Variants in B3GALT1 observed in about 807,000 individuals in gnomAD.
The protein encoded by B3GALT1 is beta-1,3-galactosyltransferase 1.
A neutral mutation model predicts 23.2 loss-of-function variants in B3GALT1; 10 were observed. The observed-to-expected ratio is 0.43, with a 90% CI of 0.27 to 0.73. B3GALT1 has a LOEUF of 0.73. B3GALT1 is among the 30% of genes least tolerant of loss of function. The probability of loss-of-function intolerance (pLI) is 0.21; values close to 1 mark genes in which losing one functional copy is unlikely to be tolerated. For missense variants in B3GALT1, 299 were observed against 405.4 expected, an observed-to-expected ratio of 0.74 and a Z score of 2.25; for synonymous variants, 156 against 141.5, an observed-to-expected ratio of 1.10 and a Z score of -0.73.
At chr2:167,353,648 T>C (rs1323747433) in intron 1 of B3GALT1, among the ~76,000 whole-genome samples, 1 of 152,194 alleles carries the variant, frequency 6.6e-6, no homozygotes, top group Non-Finnish European at 1.5e-5. Context: ...GTTTGTATCA[T>C]TGCAGAATCC....
intron 2 of B3GALT1, among the ~76,000 whole-genome samples, chr2:167,556,357 G>A (rs1683851767): frequency 6.6e-6 from 1 of 152,086 alleles, no homozygotes; most frequent in Non-Finnish European, 1.5e-5. Flanking sequence ...ATACTTTAAT[G>A]TAGAAAATCT....
intron 3 of B3GALT1, among the ~76,000 whole-genome samples, chr2:167,663,392 G>C (rs887348678): frequency 4.6e-5 from 7 of 151,566 alleles, no homozygotes; most frequent in African/African-American, 1.5e-4. Context: ...CCAAGTCTTT[G>C]CTATTGTGAA....
At chr2:167,807,737 A>G in intron 3 of B3GALT1, among the ~76,000 whole-genome samples, 1 of 152,196 alleles carries the variant, frequency 6.6e-6, no homozygotes, top group Non-Finnish European at 1.5e-5. Context: ...ACTTCCAACT[A>G]AGTGGTCAAT....
At chr2:167,754,063 A>T (rs572053181) in intron 3 of B3GALT1, among the ~76,000 whole-genome samples, 1 of 152,340 alleles carries the variant, frequency 6.6e-6, no homozygotes, top group African/African-American at 2.4e-5. Flanking sequence ...TTGGCAATGT[A>T]AATATTCCCT....
chr2:167,773,831 C>T (rs1688112349), intron 3 of B3GALT1, among the ~76,000 whole-genome samples: 3 of 152,198 alleles, frequency 2.0e-5, no homozygotes, highest in Non-Finnish European at 2.9e-5. Context: ...CAACCATAAC[C>T]AAGTCCAAGT....
At chr2:167,543,042 T>G (rs1683560020) in intron 2 of B3GALT1, among the ~76,000 whole-genome samples, 1 of 152,088 alleles carries the variant, frequency 6.6e-6, no homozygotes, top group Non-Finnish European at 1.5e-5. Context: ...GAAAAGTGAT[T>G]GATTTATAGG....
At chr2:167,676,285 G>T (rs1041805116) in intron 3 of B3GALT1, among the ~76,000 whole-genome samples, 2 of 151,802 alleles carry the variant, frequency 1.3e-5, no homozygotes, top group Non-Finnish European at 2.9e-5. Context: ...GTTTTGTTTT[G>T]CTTTTTTAAC....
At chr2:167,435,720 TATC>T (rs1178452482) in intron 1 of B3GALT1, among the ~76,000 whole-genome samples, 2 of 152,106 alleles carry the variant, frequency 1.3e-5, no homozygotes, top group Non-Finnish European at 2.9e-5. Context: ...GTGTCTAATC[TATC>T]ATCGTTAATT....
chr2:167,622,755 A>G (rs1373572572), intron 2 of B3GALT1, among the ~76,000 whole-genome samples: 3 of 152,136 alleles, frequency 2.0e-5, no homozygotes, highest in Admixed American at 6.6e-5. Context: ...TTAATATTCA[A>G]CATTAAGATA....
chr2:167,677,217 G>A (rs556075364), intron 3 of B3GALT1, among the ~76,000 whole-genome samples: 1 of 152,236 alleles, frequency 6.6e-6, no homozygotes, highest in South Asian at 2.1e-4. Flanking sequence ...GTAGATTATA[G>A]CTGTTCTTAC....
intron 2 of B3GALT1, among the ~76,000 whole-genome samples, chr2:167,599,634 C>T (rs1300696829): frequency 1.3e-5 from 2 of 152,174 alleles, no homozygotes; most frequent in Non-Finnish European, 2.9e-5. Flanking sequence ...TTGTGTGTCA[C>T]CAAACTATGT....
chr2:167,757,779 G>A (rs1204408796), intron 3 of B3GALT1, among the ~76,000 whole-genome samples: 3 of 152,086 alleles, frequency 2.0e-5, no homozygotes, highest in Admixed American at 6.6e-5. Flanking sequence ...CCAGCATGAG[G>A]ACATCTGGGG....
At chr2:167,377,266 TC>T (rs1697780473) in intron 1 of B3GALT1, among the ~76,000 whole-genome samples, 1 of 152,058 alleles carries the variant, frequency 6.6e-6, no homozygotes, top group Non-Finnish European at 1.5e-5. Context: ...ATGTGGTAGA[TC>T]TTGGAGTATG....
intron 4 of B3GALT1, among the ~76,000 whole-genome samples, chr2:167,820,974 T>TATC (rs776408757): frequency 3.3e-5 from 5 of 152,212 alleles, no homozygotes; most frequent in Non-Finnish European, 7.3e-5. Context: ...TCTCATATTT[T>TATC]ATCTCTGCCT....
intron 4 of B3GALT1, among the ~76,000 whole-genome samples, chr2:167,832,398 T>A (rs1474543383): frequency 1.3e-5 from 2 of 152,208 alleles, no homozygotes; most frequent in Non-Finnish European, 2.9e-5. Context: ...AGAAGAGGTG[T>A]ACAAACCTCC....
intron 1 of B3GALT1, among the ~76,000 whole-genome samples, chr2:167,489,119 T>C (rs1699667179): frequency 6.6e-6 from 1 of 152,102 alleles, no homozygotes; most frequent in Admixed American, 6.6e-5. Flanking sequence ...ACTAACGTCA[T>C]TGTACTATGA....
intron 1 of B3GALT1, among the ~76,000 whole-genome samples, chr2:167,312,177 A>T (rs1293816803): frequency 6.6e-6 from 1 of 152,034 alleles, no homozygotes; most frequent in Non-Finnish European, 1.5e-5. Flanking sequence ...GAGTTACTTT[A>T]TGTAGTAGGA....
chr2:167,835,434 C>T (rs1021624104), intron 4 of B3GALT1, among the ~76,000 whole-genome samples: 1 of 152,224 alleles, frequency 6.6e-6, no homozygotes, highest in Non-Finnish European at 1.5e-5. Flanking sequence ...TGATTGCTAG[C>T]ACAGCAGTCT....
intron 3 of B3GALT1, among the ~76,000 whole-genome samples, chr2:167,696,151 C>T (rs1317107641): frequency 6.6e-6 from 1 of 152,046 alleles, no homozygotes; most frequent in Non-Finnish European, 1.5e-5. Context: ...TAAACATATA[C>T]TTATTATATA....
Sources: gnomAD v4.1 joint callset for allele counts (sites outside exome capture counted in the v4.1 genomes callset) on GRCh38, gnomAD v4.1.1 for gene constraint, MANE v1.5 for transcripts, NCBI Gene and HGNC (gene_info 2026-07-23, HGNC 2026-07-21) for gene names.